SEMA5A: variants seen among roughly 807,000 people sequenced by gnomAD.
The protein encoded by SEMA5A is semaphorin 5A, also known as semaphorin-5A.
Under a neutral mutation model 135.5 loss-of-function variants are expected in SEMA5A, and 55 were observed. The observed-to-expected ratio is 0.41, with a 90% confidence interval of 0.33 to 0.51. The LOEUF is 0.51. SEMA5A is among the 20% of genes least tolerant of loss of function. The pLI is 0.37. For synonymous variants in SEMA5A, 580 were observed against 546.5 expected (o/e 1.06, Z -0.85); for missense variants, 1,290 against 1,419.9 (o/e 0.91, Z 1.47).
chr5:9,379,751 T>C, intron 3 of SEMA5A, 72 bp downstream of exon 3: 6 of 1,560,252 alleles, frequency 3.8e-6, no homozygotes, highest in Non-Finnish European at 5.2e-6. Flanking sequence ...GATGCTCTAT[T>C]ATCTTCTATC....
intron 4 of SEMA5A, among the ~76,000 whole-genome samples, chr5:9,336,608 C>A (rs1753402253): frequency 6.6e-6 from 1 of 152,228 alleles, no homozygotes. Flanking sequence ...GTGAAGGTAA[C>A]TTGCTAGGTG....
chr5:9,078,997 A>C (rs1045805439), intron 16 of SEMA5A, among the ~76,000 whole-genome samples: 1 of 152,098 alleles, frequency 6.6e-6, no homozygotes, highest in African/African-American at 2.4e-5. Flanking sequence ...AAATATAAAA[A>C]ATATAAATAC....
intron 5 of SEMA5A, among the ~76,000 whole-genome samples, chr5:9,242,871 AC>A (rs1748279596): frequency 6.6e-6 from 1 of 152,212 alleles, no homozygotes; most frequent in Admixed American, 6.5e-5. Flanking sequence ...TGATTCTCAT[AC>A]ACTGCCATCA....
At chr5:9,531,524 CTCTT>C (rs1737437539) in intron 1 of SEMA5A, among the ~76,000 whole-genome samples, 1 of 152,152 alleles carries the variant, frequency 6.6e-6, no homozygotes, top group Non-Finnish European at 1.5e-5. Context: ...ACACACAGGA[CTCTT>C]TCTGTCATTC....
In SEMA5A at chr5:9,108,022, T is replaced by C; in HGVS notation, c.2073+118A>G. ...TACCAAATTTGTGCAGAGCCTCTAG[T>C]GTGTGCAGAACATTTATTGTTTGCA... On this transcript the variant is annotated intron_variant, in intron 16 of 22. Coordinates refer to ENST00000382496, the MANE Select transcript of SEMA5A (RefSeq NM_003966.3). 7 of 1,286,226 alleles carry C rather than the reference T, an allele frequency of 5.4e-6. No individual in the cohort carries two copies. The South Asian group carries it at 7.5e-5, about 14-fold the overall frequency. 79.7% of individuals were successfully genotyped at this position (1,286,226 alleles called of 1,614,324 possible).
chr5:9,419,933 A>G (rs1201767706), intron 2 of SEMA5A, among the ~76,000 whole-genome samples: 2 of 152,188 alleles, frequency 1.3e-5, no homozygotes, highest in Non-Finnish European at 1.5e-5. Context: ...ATACTCTTTG[A>G]TGTACATCCC....
intron 21 of SEMA5A, among the ~76,000 whole-genome samples, chr5:9,045,351 G>A (rs1043563480): frequency 9.2e-5 from 14 of 152,132 alleles, no homozygotes; most frequent in African/African-American, 2.9e-4. Context: ...TCTACTGCTC[G>A]CCTGCAAGCC....
intron 15 of SEMA5A, 94 bp from the exon 16 acceptor site, chr5:9,108,381 A>G: frequency 2.8e-6 from 4 of 1,431,118 alleles, no homozygotes; most frequent in Non-Finnish European, 3.9e-6. Flanking sequence ...GATGTTGAAC[A>G]CATGGGCATG....
chr5:9,097,772 G>A (rs1479594145), intron 16 of SEMA5A, among the ~76,000 whole-genome samples: 1 of 152,162 alleles, frequency 6.6e-6, no homozygotes, highest in African/African-American at 2.4e-5. Flanking sequence ...TGTACAACAA[G>A]GTGATGGACT....
chr5:9,160,193 TAAAG>T (rs1051653161), intron 11 of SEMA5A, among the ~76,000 whole-genome samples: 1 of 152,128 alleles, frequency 6.6e-6, no homozygotes, highest in Admixed American at 6.5e-5. Context: ...TAAGAAGAAA[TAAAG>T]AAAGAAAAGT....
intron 1 of SEMA5A, among the ~76,000 whole-genome samples, chr5:9,449,248 C>T (rs372015915): frequency 5.0e-4 from 76 of 152,210 alleles, no homozygotes; most frequent in African/African-American, 1.7e-3. Context: ...TTAAAAGGGA[C>T]GAGATCATGT....
At chr5:9,136,463 A>C (rs746321734) in intron 13 of SEMA5A, 41 bp downstream of exon 13, 2 of 1,519,174 alleles carry the variant, frequency 1.3e-6, no homozygotes, top group African/African-American at 1.4e-5. Flanking sequence ...CATGGCTCCC[A>C]TGGGCAGCAT....
At chr5:9,271,198 G>C (rs1335989847) in intron 5 of SEMA5A, among the ~76,000 whole-genome samples, 1 of 152,170 alleles carries the variant, frequency 6.6e-6, no homozygotes, top group Middle Eastern at 3.4e-3. Flanking sequence ...TCTCTCTTCT[G>C]CTCCTCCATG....
At chr5:9,445,973 A>G (rs1051765499) in intron 1 of SEMA5A, among the ~76,000 whole-genome samples, 4 of 152,224 alleles carry the variant, frequency 2.6e-5, no homozygotes, top group Non-Finnish European at 5.9e-5. Flanking sequence ...GCCCAGATCC[A>G]GCCTGAGACC....
intron 11 of SEMA5A, among the ~76,000 whole-genome samples, chr5:9,170,687 G>A (rs549979270): frequency 6.6e-6 from 1 of 152,180 alleles, no homozygotes; most frequent in East Asian, 1.9e-4. Context: ...AGCCAGAAAA[G>A]GGTCCTCATG....
intron 5 of SEMA5A, among the ~76,000 whole-genome samples, chr5:9,278,892 T>A (rs1183795993): frequency 6.6e-6 from 1 of 152,252 alleles, no homozygotes; most frequent in Non-Finnish European, 1.5e-5. Flanking sequence ...GGCAGAAGTC[T>A]GCTGCAGGGG....
intron 5 of SEMA5A, among the ~76,000 whole-genome samples, chr5:9,315,680 A>T (rs1752358700): frequency 6.6e-6 from 1 of 152,110 alleles, no homozygotes. Context: ...CTCATGATAA[A>T]GTTATTAGTT....
intron 5 of SEMA5A, among the ~76,000 whole-genome samples, chr5:9,269,719 A>C (rs1269898884): frequency 6.6e-6 from 1 of 152,140 alleles, no homozygotes; most frequent in Non-Finnish European, 1.5e-5. Flanking sequence ...GCTTCTATAA[A>C]TTTTTATAAA....
chr5:9,365,488 A>G (rs987255155), intron 3 of SEMA5A, among the ~76,000 whole-genome samples: 2 of 151,872 alleles, frequency 1.3e-5, no homozygotes, highest in African/African-American at 4.8e-5. Flanking sequence ...ATTTTTTTGC[A>G]TTCAGATAGC....
Sources: allele counts gnomAD v4.1 joint callset (sites outside exome capture counted in the v4.1 genomes callset), GRCh38; gene constraint gnomAD v4.1.1; transcripts MANE v1.5; gene names NCBI Gene and HGNC (gene_info 2026-07-23, HGNC 2026-07-21).